CTNNA1: variants seen among roughly 807,000 people sequenced by gnomAD.
CTNNA1 encodes catenin alpha 1, also known as catenin alpha-1.
Under a neutral mutation model 98.4 loss-of-function variants are expected in CTNNA1, and 37 were observed. The observed-to-expected ratio is 0.38, with a 90% CI of 0.29 to 0.49. The LOEUF (loss-of-function observed/expected upper bound fraction) is 0.49. CTNNA1 is among the 20% of genes least tolerant of loss of function. The pLI is 0.95. For synonymous variants in CTNNA1, 404 were observed against 413.2 expected, an observed-to-expected ratio of 0.98 and a Z score of 0.27; for missense variants, 761 against 1,147.2, an observed-to-expected ratio of 0.66 and a Z score of 4.86.
intron 5 of CTNNA1, among the ~76,000 whole-genome samples, chr5:138,819,742 C>T (rs1314440591): frequency 1.3e-5 from 2 of 151,978 alleles, no homozygotes; most frequent in African/African-American, 2.4e-5. Flanking sequence ...GTACTGTTTT[C>T]CCTGGAAGGG....
At position 138,862,851 on chromosome 5, in the gene CTNNA1, TGG is replaced by T. The variant is rs1369847031; in HGVS notation, c.1063-23359_1063-23358del. 6.6e-5 allele frequency among the ~76,000 whole-genome samples: 10 copies of T among 152,330 alleles called. No homozygotes were observed. In the East Asian group the frequency reaches 1.9e-3, roughly 29 times the overall value. On this transcript the variant is annotated intron_variant, in intron 7 of 17. Coordinates refer to ENST00000302763, the MANE Select transcript of CTNNA1 (RefSeq NM_001903.5). ...AAGTAGGGTTTTAGGAAGCAGCACA[TGG>T]GTCTAACATGTCTTTAATGTGATTA...
At chr5:138,863,236 A>G (rs1764446323) in intron 7 of CTNNA1, among the ~76,000 whole-genome samples, 2 of 151,270 alleles carry the variant, frequency 1.3e-5, no homozygotes, top group Admixed American at 6.6e-5. Flanking sequence ...TTATATATAT[A>G]TATAATTTAT....
intron 10 of CTNNA1, chr5:138,904,759 C>T: frequency 8.7e-6 from 2 of 231,062 alleles, no homozygotes; most frequent in Non-Finnish European, 1.7e-5. Flanking sequence ...GAATCTGAGA[C>T]CAGCCTGGGC....
chr5:138,923,080 G>A (rs1217657807), intron 11 of CTNNA1, among the ~76,000 whole-genome samples: 2 of 152,084 alleles, frequency 1.3e-5, no homozygotes, highest in Non-Finnish European at 2.9e-5. Context: ...GAAAACACTG[G>A]TTCTTAGTTT....
intron 1 of CTNNA1, among the ~76,000 whole-genome samples, chr5:138,781,545 A>G (rs1755110674): frequency 8.0e-6 from 1 of 124,768 alleles, no homozygotes; most frequent in Non-Finnish European, 1.6e-5. Flanking sequence ...AAAGAGCAAG[A>G]CTCTGTCTCA....
intron 1 of CTNNA1, among the ~76,000 whole-genome samples, chr5:138,762,513 T>C (rs1752478122): frequency 6.6e-6 from 1 of 152,094 alleles, no homozygotes; most frequent in Admixed American, 6.6e-5. Context: ...ATCAAACTTA[T>C]TTTTCTCCAT....
chr5:138,799,515 G>A (rs1207070060), intron 3 of CTNNA1, among the ~76,000 whole-genome samples: 1 of 152,070 alleles, frequency 6.6e-6, no homozygotes, highest in Non-Finnish European at 1.5e-5. Context: ...GGAAAAAAAA[G>A]TTGTTGATTC....
chr5:138,756,641 C>G (rs1358332201), intron 1 of CTNNA1, among the ~76,000 whole-genome samples: 3 of 152,140 alleles, frequency 2.0e-5, no homozygotes, highest in Non-Finnish European at 4.4e-5. Flanking sequence ...ACTTGTATAG[C>G]TTGGGTACTT....
chr5:138,920,774 C>G (rs566403342), intron 11 of CTNNA1, among the ~76,000 whole-genome samples: 1 of 152,288 alleles, frequency 6.6e-6, no homozygotes, highest in East Asian at 1.9e-4. Flanking sequence ...AAGAGGAAAT[C>G]GTTTATGGAG....
rs1436569243 is a variant in CTNNA1 at position 138,934,968 on chromosome 5, GAATT to G, written c.*884_*887del. Reference sequence around the variant, plus strand: ...TACTATCACCTTATTTAAATTTTATGAATTAATTTGAATGTTTTTTACACTAACT... The same window carrying G: ...TACTATCACCTTATTTAAATTTTATGAATTTGAATGTTTTTTACACTAACT... On this transcript the variant is annotated 3_prime_UTR_variant, in exon 18 of 18. Transcript: ENST00000302763. 3 of 152,360 alleles carry G rather than the reference GAATT, an allele frequency of 2.0e-5. No homozygotes were observed. Among genetic ancestry groups the G allele is most frequent in the African/African-American group, 4.8e-5 (2 of 41,570 alleles). 9.4% of individuals were successfully genotyped at this position (152,360 alleles called of 1,614,324 possible). A position where few individuals can be genotyped will look rare whatever the true frequency, so the allele number is the denominator to read the frequency against.
chr5:138,908,155 T>G (rs1236594456), intron 10 of CTNNA1, among the ~76,000 whole-genome samples: 1 of 152,082 alleles, frequency 6.6e-6, no homozygotes, highest in African/African-American at 2.4e-5. Context: ...TTTTTGTATT[T>G]TTTAGTAGAG....
intron 2 of CTNNA1, among the ~76,000 whole-genome samples, chr5:138,782,593 A>G (rs1388720470): frequency 1.3e-5 from 2 of 152,216 alleles, no homozygotes; most frequent in African/African-American, 2.4e-5. Flanking sequence ...TATAACATAT[A>G]TTCATCATCT....
chr5:138,799,591 A>G (rs1019126635), intron 3 of CTNNA1, among the ~76,000 whole-genome samples: 1 of 151,990 alleles, frequency 6.6e-6, no homozygotes, highest in Non-Finnish European at 1.5e-5. Flanking sequence ...TTTGAAATGA[A>G]ACTTATTAAA....
intron 3 of CTNNA1, among the ~76,000 whole-genome samples, chr5:138,789,815 G>A (rs147506294): frequency 1.7e-3 from 258 of 152,312 alleles, no homozygotes; most frequent in African/African-American, 6.0e-3. Context: ...ATGCCATGTG[G>A]CATTACATGG....
chr5:138,785,487 A>G (rs1182739446), intron 3 of CTNNA1, among the ~76,000 whole-genome samples: 1 of 151,232 alleles, frequency 6.6e-6, no homozygotes, highest in Admixed American at 6.6e-5. Context: ...CTTGTCTTCT[A>G]TAACGAAACT....
intron 5 of CTNNA1, among the ~76,000 whole-genome samples, chr5:138,824,064 G>A (rs1475788758): frequency 1.3e-5 from 2 of 150,008 alleles, no homozygotes; most frequent in South Asian, 2.1e-4. Flanking sequence ...TCTTTCTATC[G>A]TTGGTTGGTA....
At chr5:138,817,973 A>G (rs954502505) in intron 5 of CTNNA1, among the ~76,000 whole-genome samples, 3 of 150,234 alleles carry the variant, frequency 2.0e-5, no homozygotes, top group African/African-American at 7.4e-5. Context: ...TGCAACCTCC[A>G]CCTCCCAGGT....
chr5:138,883,547 C>T (rs574657284), intron 7 of CTNNA1, among the ~76,000 whole-genome samples: 3 of 152,168 alleles, frequency 2.0e-5, no homozygotes, highest in Non-Finnish European at 2.9e-5. Flanking sequence ...TTTCAAAAGT[C>T]AAATTCAAGG....
intron 4 of CTNNA1, among the ~76,000 whole-genome samples, chr5:138,811,416 G>A (rs1430688722): frequency 8.0e-4 from 85 of 106,714 alleles, no homozygotes; most frequent in African/African-American, 2.7e-3. Flanking sequence ...GGGCAGAGAC[G>A]CTCCTCACTT....
Sources: gnomAD v4.1 joint callset for allele counts (sites outside exome capture counted in the v4.1 genomes callset) on GRCh38, gnomAD v4.1.1 for gene constraint, MANE v1.5 for transcripts, NCBI Gene and HGNC (gene_info 2026-07-23, HGNC 2026-07-21) for gene names.